The following IL31RA variants were observed in gnomAD, a reference collection of about 807,000 sequenced individuals.
The protein encoded by IL31RA is interleukin-31 receptor subunit alpha.
IL31RA carries 66 observed loss-of-function variants against 83.7 expected under a neutral mutation model. That is an observed-to-expected ratio of 0.79 (90% CI 0.65 to 0.97). IL31RA has a LOEUF of 0.97. Among genes scored for constraint, IL31RA ranks in the 50% least tolerant of loss-of-function variants. IL31RA has a pLI of 0.00. For synonymous variants in IL31RA, 325 were observed against 329.0 expected (o/e 0.99, Z 0.13); for missense variants, 798 against 919.4 (o/e 0.87, Z 1.71).
the IL31RA span, among the ~76,000 whole-genome samples, chr5:55,841,257 T>C: frequency 1.3e-5 from 2 of 152,358 alleles, no homozygotes; most frequent in East Asian, 3.9e-4. Flanking sequence ...GCTAAAATTT[T>C]CCACTTGTTA....
chr5:55,907,703 A>G (rs1749243625), intron 10 of IL31RA, among the ~76,000 whole-genome samples: 1 of 152,264 alleles, frequency 6.6e-6, no homozygotes, highest in Non-Finnish European at 1.5e-5. Context: ...AGGTGAAATA[A>G]CTTGCCCAAA....
intron 1 of IL31RA, among the ~76,000 whole-genome samples, chr5:55,851,944 C>T (rs574850141): frequency 6.6e-6 from 1 of 152,046 alleles, no homozygotes; most frequent in Non-Finnish European, 1.5e-5. Flanking sequence ...TATATCTTTG[C>T]CATAATTTTT....
At chr5:55,916,528 G>A (rs34954805) in intron 14 of IL31RA, 116 bp from the exon 15 acceptor site, 226,792 of 855,690 alleles carry the variant, frequency 0.27, 32,746 homozygotes, top group East Asian at 0.44. Flanking sequence ...GGGCCTGGGA[G>A]GAAGGTGGGG....
chr5:55,845,002 T>G, the IL31RA span, among the ~76,000 whole-genome samples: 1 of 152,242 alleles, frequency 6.6e-6, no homozygotes, highest in African/African-American at 2.4e-5. Flanking sequence ...GATATCCATC[T>G]GTTCTTGCAA....
rs1442100707 is a variant in IL31RA at position 55,890,009 on chromosome 5, C to G, written c.646C>G (p.Gln216Glu). The G allele has an allele frequency of 6.2e-7, 1 of 1,614,084 alleles. No individual in the cohort carries two copies. The highest frequency in any genetic ancestry group is 8.5e-7 in the Non-Finnish European group (1 of 1,179,966). The change falls in exon 6 of 15, where the codon CAA becomes GAA. Residue 216 changes from glutamine (Q) to glutamate (E), a missense_variant. By Grantham distance (29) the Gln-to-Glu change is conservative. Coordinates refer to ENST00000652347, the MANE Select transcript of IL31RA (RefSeq NM_139017.7). ...CGCTAAGAACCGTAAGGATAAAAAC[C>G]AAACGTACAACCTCACGGGGCTGCA... ...NFAKNRKDKN[Q>E]TYNLTGLQPF... is the part of the protein sequence containing the mutation.
intron 12 of IL31RA, among the ~76,000 whole-genome samples, chr5:55,911,586 T>C (rs1049203449): frequency 1.3e-5 from 2 of 151,984 alleles, no homozygotes; most frequent in Non-Finnish European, 2.9e-5. Context: ...CAACAAATAA[T>C]GTAAAATAAA....
chr5:55,893,809 A>ATT (rs66540216), intron 6 of IL31RA, among the ~76,000 whole-genome samples: 226 of 125,922 alleles, frequency 1.8e-3, no homozygotes, highest in Middle Eastern at 4.0e-3. Flanking sequence ...CTATGAGATA[A>ATT]TTTTTTTTTT....
intron 2 of IL31RA, among the ~76,000 whole-genome samples, chr5:55,867,492 TAAAG>T (rs1028908890): frequency 3.9e-4 from 59 of 152,200 alleles, no homozygotes; most frequent in African/African-American, 1.4e-3. Flanking sequence ...ATCAAAATAT[TAAAG>T]AAACAAATTT....
intron 2 of IL31RA, among the ~76,000 whole-genome samples, chr5:55,865,459 G>A (rs1053469420): frequency 3.3e-5 from 5 of 152,098 alleles, no homozygotes; most frequent in African/African-American, 7.2e-5. Flanking sequence ...CTTTACCCAT[G>A]TAGACAATGC....
At chr5:55,879,704 A>G (rs1238530965) in intron 4 of IL31RA, among the ~76,000 whole-genome samples, 1 of 148,438 alleles carries the variant, frequency 6.7e-6, no homozygotes, top group African/African-American at 2.5e-5. Context: ...TGCTGGGATT[A>G]CAGGCATGAG....
At chr5:55,863,858 G>C (rs1033998515) in intron 2 of IL31RA, among the ~76,000 whole-genome samples, 1 of 152,154 alleles carries the variant, frequency 6.6e-6, no homozygotes, top group Non-Finnish European at 1.5e-5. Flanking sequence ...TTAGCTTATG[G>C]CTTCTCATAT....
chr5:55,922,413 C>T lies in IL31RA; in HGVS notation c.*5293C>T. 2 of 1,550,834 alleles carry T rather than the reference C, an allele frequency of 1.3e-6. No homozygotes were observed. Among genetic ancestry groups the T allele is most frequent in the South Asian group, 2.4e-5 (2 of 84,056 alleles). ...ATTTTTAGGACTAGAATTCTGTCTT[C>T]CTGCCCAACTTCAATATAAGTGTGG... On this transcript the variant is annotated 3_prime_UTR_variant, in exon 15 of 15. Coordinates refer to ENST00000652347, the MANE Select transcript of IL31RA (RefSeq NM_139017.7).
chr5:55,868,192 T>C (rs776876097), intron 2 of IL31RA, among the ~76,000 whole-genome samples: 2 of 152,184 alleles, frequency 1.3e-5, no homozygotes, highest in Non-Finnish European at 2.9e-5. Flanking sequence ...ACCCCTGAAT[T>C]CTACCCATGG....
At chr5:55,916,591 T>C (rs1033632331) in intron 14 of IL31RA, 53 bp from the exon 15 acceptor site, 1 of 1,489,426 alleles carries the variant, frequency 6.7e-7, no homozygotes, top group Non-Finnish European at 9.4e-7. Context: ...TTTTTGGCTA[T>C]GTCATATGTG....
chr5:55,914,586 G>A (rs534939144), intron 13 of IL31RA, among the ~76,000 whole-genome samples: 1 of 152,320 alleles, frequency 6.6e-6, no homozygotes, highest in South Asian at 2.1e-4. Context: ...GTATGGAGAT[G>A]CTGGGATGGG....
chr5:55,884,672 C>T (rs1385033263), intron 5 of IL31RA, among the ~76,000 whole-genome samples: 4 of 152,202 alleles, frequency 2.6e-5, no homozygotes, highest in Non-Finnish European at 4.4e-5. Flanking sequence ...CCTCCTCTCT[C>T]AGCCTCCCAA....
At position 55,889,973 on chromosome 5, in the gene IL31RA, G is replaced by T; in HGVS notation, c.610G>T (p.Glu204Ter). 1.2e-6 allele frequency: 2 copies of T among 1,614,064 alleles called. No individual in the cohort carries two copies. The highest frequency in any genetic ancestry group is 1.7e-6 in the Non-Finnish European group (2 of 1,179,926). Residue 204 changes from glutamate to a stop codon, truncating the protein, a stop_gained, in exon 6 of 15, where the codon GAA becomes TAA. Coordinates refer to ENST00000652347, the MANE Select transcript of IL31RA (RefSeq NM_139017.7). LOFTEE classifies it high-confidence loss of function. The stretch of plus-strand genomic sequence containing the variant: ...TAGGATTGTCTCTGTCTTGTAGATG[G>T]AAGTCAACTTCGCTAAGAACCGTAA... ...FRTVNSTSWM[E>*]VNFAKNRKDK...
intron 3 of IL31RA, among the ~76,000 whole-genome samples, chr5:55,871,576 A>G (rs796487426): frequency 4.6e-5 from 7 of 152,330 alleles, no homozygotes; most frequent in African/African-American, 1.7e-4. Flanking sequence ...TTTTCTGAAA[A>G]CAATATATAC....
chr5:55,905,159 C>A (rs1017798237), intron 8 of IL31RA, among the ~76,000 whole-genome samples: 11 of 150,658 alleles, frequency 7.3e-5, no homozygotes, highest in African/African-American at 2.7e-4. Flanking sequence ...CAAGATCATG[C>A]CACTGCACTC....
Sources: gnomAD v4.1 joint callset for allele counts (sites outside exome capture counted in the v4.1 genomes callset) on GRCh38, gnomAD v4.1.1 for gene constraint, MANE v1.5 for transcripts, NCBI Gene and HGNC (gene_info 2026-07-23, HGNC 2026-07-21) for gene names.